The following ADD1 variants were observed in gnomAD, a reference collection of about 807,000 sequenced individuals.
ADD1 encodes the protein alpha-adducin.
A neutral mutation model predicts 80.5 loss-of-function variants in ADD1; 24 were observed. The ratio of observed to expected loss-of-function variants is 0.30; its 90% confidence interval spans 0.22 to 0.42. ADD1 has a LOEUF of 0.42. ADD1 is among the 10% of genes least tolerant of loss of function. The pLI is 1.00. For synonymous variants in ADD1, 373 were observed against 393.8 expected (o/e 0.95, Z 0.63); for missense variants, 948 against 1,019.0 (o/e 0.93, Z 0.95).
chr4:2,904,739 G>C (rs756734723), intron 9 of ADD1, 25 bp from the exon 10 acceptor site: 1 of 1,588,708 alleles, frequency 6.3e-7, no homozygotes, highest in Middle Eastern at 1.7e-4. Context: ...AATATTGACT[G>C]TCTTTCACTC....
Position 2,925,999 on chromosome 4 carries a change from C to T in ADD1, c.1949-15C>T. 2 of 1,612,442 alleles carry T rather than the reference C, an allele frequency of 1.2e-6. No homozygotes were observed. Among genetic ancestry groups the T allele is most frequent in the South Asian group, 2.2e-5 (2 of 90,962 alleles). ...CGTCCACAGCTCCTACCATATCCTTCTTGCTTCTCTGCAGAGAATCTGGAC... is the reference window on the plus strand; with the variant it reads ...CGTCCACAGCTCCTACCATATCCTTTTTGCTTCTCTGCAGAGAATCTGGAC... On this transcript the variant is annotated splice_polypyrimidine_tract_variant and intron_variant, in intron 14 of 15. Transcript: ENST00000683351.
intron 1 of ADD1, among the ~76,000 whole-genome samples, chr4:2,863,062 T>G (rs1385364178): frequency 6.6e-6 from 1 of 152,026 alleles, no homozygotes; most frequent in Non-Finnish European, 1.5e-5. Flanking sequence ...CCTATTGAAT[T>G]TTTTTGAGAC....
chr4:2,918,035 A>G (rs1008917818), intron 14 of ADD1, among the ~76,000 whole-genome samples: 2 of 152,214 alleles, frequency 1.3e-5, no homozygotes, highest in African/African-American at 4.8e-5. Flanking sequence ...TGAAATTTGA[A>G]GTAGTTTTTT....
intron 14 of ADD1, among the ~76,000 whole-genome samples, chr4:2,916,496 G>A (rs186287836): frequency 6.6e-6 from 1 of 151,956 alleles, no homozygotes; most frequent in Non-Finnish European, 1.5e-5. Flanking sequence ...GCCCGGCCCT[G>A]AATATTATTT....
At chr4:2,908,488 A>G (rs1048934188) in intron 11 of ADD1, 27 bp from the exon 12 acceptor site, 1 of 1,600,284 alleles carries the variant, frequency 6.2e-7, no homozygotes, top group Non-Finnish European at 8.6e-7. Flanking sequence ...AGGACTGTTG[A>G]TGTGTGCCTC....
At chr4:2,859,649 G>A (rs1016338456) in intron 1 of ADD1, among the ~76,000 whole-genome samples, 8 of 152,210 alleles carry the variant, frequency 5.3e-5, no homozygotes, top group Admixed American at 4.6e-4. Flanking sequence ...CCAAAACAGA[G>A]AAATTTTAGT....
chr4:2,917,846 T>C (rs1739338042), intron 14 of ADD1, among the ~76,000 whole-genome samples: 1 of 152,230 alleles, frequency 6.6e-6, no homozygotes, highest in Admixed American at 6.5e-5. Context: ...TGTCTGGCAT[T>C]ATTTCTGAGG....
rs955219163 is a variant in ADD1, at chr4:2,843,923, C to T, written c.-122C>T. 2.1e-4 allele frequency: 32 copies of T among 152,598 alleles called. No homozygotes were observed. The highest frequency in any genetic ancestry group is 7.7e-4 in the African/African-American group (32 of 41,346). The allele number at this position is 152,598 out of a possible 1,614,324, so 9.5% of individuals were successfully genotyped here. A position where few individuals can be genotyped will look rare whatever the true frequency, so the allele number is the denominator to read the frequency against. On this transcript the variant is annotated 5_prime_UTR_variant, in exon 1 of 16. Transcript: ENST00000683351. ...GGCGGAGAGGCCTGGCGGGCCGCTG[C>T]TGCGGGCCAGGGGACGGGGGCGGAG...
chr4:2,906,127 T>C (rs1482161619), intron 10 of ADD1, among the ~76,000 whole-genome samples: 1 of 152,150 alleles, frequency 6.6e-6, no homozygotes, highest in Non-Finnish European at 1.5e-5. Flanking sequence ...CTTTATAGAT[T>C]TATTTAAAGA....
At chr4:2,879,433 G>C (rs534055780) in intron 2 of ADD1, among the ~76,000 whole-genome samples, 1 of 152,264 alleles carries the variant, frequency 6.6e-6, no homozygotes, top group East Asian at 1.9e-4. Flanking sequence ...ACAGCGCCTG[G>C]TACTTAGTAG....
At chr4:2,910,741 T>A (rs1737881360) in intron 13 of ADD1, among the ~76,000 whole-genome samples, 1 of 152,158 alleles carries the variant, frequency 6.6e-6, no homozygotes, top group Non-Finnish European at 1.5e-5. Context: ...TGTGTGTCAC[T>A]GTCACCTGGG....
At chr4:2,865,783 T>G (rs1729457361) in intron 1 of ADD1, among the ~76,000 whole-genome samples, 1 of 152,194 alleles carries the variant, frequency 6.6e-6, no homozygotes, top group Admixed American at 6.5e-5. Flanking sequence ...ATAAAAAGAT[T>G]TTGAAAGATT....
At chr4:2,875,465 A>G (rs1415621688) in intron 1 of ADD1, among the ~76,000 whole-genome samples, 1 of 152,038 alleles carries the variant, frequency 6.6e-6, no homozygotes, top group East Asian at 1.9e-4. Flanking sequence ...TTGCAAAACC[A>G]CTGCTGGTAC....
At chr4:2,869,283 G>C (rs1366079669) in intron 1 of ADD1, among the ~76,000 whole-genome samples, 1 of 152,202 alleles carries the variant, frequency 6.6e-6, no homozygotes, top group Non-Finnish European at 1.5e-5. Flanking sequence ...TCCCGAGGCT[G>C]TGAGGGAGAA....
At chr4:2,849,018 A>AT (rs376470199) in intron 1 of ADD1, among the ~76,000 whole-genome samples, 20 of 152,298 alleles carry the variant, frequency 1.3e-4, no homozygotes, top group African/African-American at 4.8e-4. Context: ...CAGAAGTGAG[A>AT]TTGCCATGTC....
intron 9 of ADD1, 92 bp from the exon 10 acceptor site, chr4:2,904,672 A>G: frequency 8.3e-7 from 1 of 1,198,118 alleles, no homozygotes; most frequent in East Asian, 2.3e-5. Flanking sequence ...CATGTGTTCA[A>G]CTTTTGTGGA....
intron 1 of ADD1, among the ~76,000 whole-genome samples, chr4:2,847,397 A>G (rs1726401217): frequency 1.1e-5 from 1 of 93,624 alleles, no homozygotes; most frequent in African/African-American, 4.5e-5. Flanking sequence ...AACAAAAGCG[A>G]AACTCCGTCT....
chr4:2,844,727 C>A (rs574289736), intron 1 of ADD1: 2 of 152,238 alleles, frequency 1.3e-5, no homozygotes, highest in Admixed American at 1.3e-4. Flanking sequence ...TATTTTGGTT[C>A]GCCTGAAACT....
At chr4:2,864,346 GA>G (rs1729234245) in intron 1 of ADD1, among the ~76,000 whole-genome samples, 1 of 152,192 alleles carries the variant, frequency 6.6e-6, no homozygotes, top group Non-Finnish European at 1.5e-5. Context: ...CCGGGAGGCG[GA>G]GGTTGCAGTG....
Sources: gnomAD v4.1 joint callset for allele counts (sites outside exome capture counted in the v4.1 genomes callset) on GRCh38, gnomAD v4.1.1 for gene constraint, MANE v1.5 for transcripts, NCBI Gene and HGNC (gene_info 2026-07-23, HGNC 2026-07-21) for gene names.